The following C12orf60 variants were observed in gnomAD, a reference collection of about 807,000 sequenced individuals.
C12orf60 encodes the protein uncharacterized protein C12orf60.
For missense variants in C12orf60, 284 were observed against 283.2 expected (o/e 1.00, Z -0.02); for synonymous variants, 102 against 94.6 (o/e 1.08, Z -0.45).
chr12:14,806,119 G>A, intron 1 of C12orf60: 2 of 1,614,160 alleles, frequency 1.2e-6, no homozygotes, highest in Non-Finnish European at 1.7e-6. Context: ...GCTGCTTGAA[G>A]CTGTGTTTTT....
At chr12:14,812,172 T>C (rs911228394) in intron 1 of C12orf60, among the ~76,000 whole-genome samples, 12 of 152,100 alleles carry the variant, frequency 7.9e-5, no homozygotes, top group Non-Finnish European at 1.3e-4. Flanking sequence ...TGGCCGGGCG[T>C]GGTGGCTCAC....
intron 1 of C12orf60, among the ~76,000 whole-genome samples, chr12:14,804,220 A>G (rs970180847): frequency 1.3e-5 from 2 of 152,048 alleles, no homozygotes; most frequent in Non-Finnish European, 1.5e-5. Flanking sequence ...GTCCTCTATG[A>G]TGTCACTCTA....
chr12:14,806,783 A>G (rs1950058929), intron 1 of C12orf60: 30 of 1,206,360 alleles, frequency 2.5e-5, no homozygotes, highest in Non-Finnish European at 3.1e-5. Flanking sequence ...CTTTTTCTTC[A>G]TGCATAGCAA....
Position 14,823,500 on chromosome 12 carries a change from A to T in C12orf60, c.565A>T (p.Lys189Ter), listed in dbSNP as rs756064497. 1.2e-6 allele frequency: 2 copies of T among 1,613,058 alleles called. No homozygotes were observed. The highest frequency in any genetic ancestry group is 1.7e-6 in the Non-Finnish European group (2 of 1,179,764). The change falls in exon 2 of 2, where the codon AAA becomes TAA. Residue 189 changes from lysine (K) to a stop codon, truncating the protein, a stop_gained. Transcript: ENST00000330828. LOFTEE classifies it low-confidence loss of function (END_TRUNC). ...SSKTTMIDTL[K>*]KLQDVLKTED... is the part of the protein sequence containing the mutation. ...CAAAACCACTATGATAGACACCTTG[A>T]AAAAACTGCAGGATGTACTAAAAAC...
chr12:14,814,095 C>T (rs1435476968), intron 1 of C12orf60: 1 of 152,142 alleles, frequency 6.6e-6, no homozygotes, highest in African/African-American at 2.4e-5. Flanking sequence ...AGTATTATAT[C>T]AATACTAATA....
chr12:14,804,742 C>T (rs1950021746), intron 1 of C12orf60: 1 of 152,100 alleles, frequency 6.6e-6, no homozygotes, highest in African/African-American at 2.4e-5. Flanking sequence ...TTTTGAAAAA[C>T]AATGCAAGAA....
chr12:14,817,844 C>T (rs940044395), intron 1 of C12orf60, among the ~76,000 whole-genome samples: 62 of 151,178 alleles, frequency 4.1e-4, no homozygotes, highest in Admixed American at 1.7e-3. Flanking sequence ...GGGTATATAC[C>T]CAATAATGGG....
chr12:14,811,082 A>G (rs948947928), intron 1 of C12orf60, among the ~76,000 whole-genome samples: 1 of 152,364 alleles, frequency 6.6e-6, no homozygotes, highest in East Asian at 1.9e-4. Context: ...ATCCAGCTCT[A>G]ATTAACTACA....
intron 1 of C12orf60, among the ~76,000 whole-genome samples, chr12:14,807,944 T>C: frequency 6.6e-6 from 1 of 152,098 alleles, no homozygotes. Flanking sequence ...GGCAGGTGAA[T>C]AACTTGAGGC....
At chr12:14,821,474 C>A (rs749455306) in intron 1 of C12orf60, among the ~76,000 whole-genome samples, 6 of 152,086 alleles carry the variant, frequency 3.9e-5, no homozygotes, top group Non-Finnish European at 7.4e-5. Flanking sequence ...GCTTCCATGG[C>A]CCCATTGTTT....
At chr12:14,807,363 A>G (rs530399225) in intron 1 of C12orf60, among the ~76,000 whole-genome samples, 145 of 152,226 alleles carry the variant, frequency 9.5e-4, no homozygotes, top group Non-Finnish European at 1.6e-3. Context: ...TTAGCTCTTG[A>G]TTACTAGTGC....
Position 14,824,162 on chromosome 12 carries a change from A to G in C12orf60, c.*489A>G, listed in dbSNP as rs1280071119. 2.0e-5 allele frequency: 3 copies of G among 152,518 alleles called. No homozygotes were observed. Among genetic ancestry groups the G allele is most frequent in the African/African-American group, 7.2e-5 (3 of 41,466 alleles). The allele number at this position is 152,518 out of a possible 1,614,324, so 9.4% of individuals were successfully genotyped here. ...GAAGCCATCACTAAATATTTTAAAT[A>G]TGATTCATAAGTAAGTGAGAACAGT... On this transcript the variant is annotated 3_prime_UTR_variant, in exon 2 of 2. Coordinates refer to ENST00000330828, the MANE Select transcript of C12orf60 (RefSeq NM_175874.4).
intron 1 of C12orf60, among the ~76,000 whole-genome samples, chr12:14,814,905 G>T (rs1209429425): frequency 1.3e-5 from 2 of 152,168 alleles, no homozygotes; most frequent in South Asian, 2.1e-4. Flanking sequence ...TCCTGGTTTT[G>T]TGTACTCCAA....
At chr12:14,804,355 G>A (rs1160816612) in intron 1 of C12orf60, among the ~76,000 whole-genome samples, 1 of 152,160 alleles carries the variant, frequency 6.6e-6, no homozygotes, top group East Asian at 1.9e-4. Flanking sequence ...AACTATCTTA[G>A]AGGATACGCT....
At chr12:14,808,201 G>C (rs1182751743) in intron 1 of C12orf60, among the ~76,000 whole-genome samples, 1 of 151,958 alleles carries the variant, frequency 6.6e-6, no homozygotes, top group Non-Finnish European at 1.5e-5. Flanking sequence ...ATCATAGAAT[G>C]AATAAAATAA....
At chr12:14,821,695 T>C (rs1238793962) in intron 1 of C12orf60, among the ~76,000 whole-genome samples, 1 of 152,160 alleles carries the variant, frequency 6.6e-6, no homozygotes, top group Admixed American at 6.5e-5. Flanking sequence ...TTTTTGGTTA[T>C]AATTTTTGCT....
At chr12:14,804,900 C>G (rs1950024725) in intron 1 of C12orf60, 1 of 152,158 alleles carries the variant, frequency 6.6e-6, no homozygotes, top group South Asian at 2.1e-4. Flanking sequence ...CTATAACAAA[C>G]ACAGTCTGGC....
intron 1 of C12orf60, among the ~76,000 whole-genome samples, chr12:14,810,623 A>G (rs1691406052): frequency 6.6e-6 from 1 of 152,222 alleles, no homozygotes; most frequent in Admixed American, 6.5e-5. Flanking sequence ...TGACTTGTGC[A>G]AATTTGTTTT....
At chr12:14,806,781 T>C in intron 1 of C12orf60, 1 of 1,226,420 alleles carries the variant, frequency 8.2e-7, no homozygotes, top group Non-Finnish European at 1.1e-6. Flanking sequence ...ATCTTTTTCT[T>C]CATGCATAGC....
Sources: allele counts gnomAD v4.1 joint callset (sites outside exome capture counted in the v4.1 genomes callset), GRCh38; gene constraint gnomAD v4.1.1; transcripts MANE v1.5; gene names NCBI Gene and HGNC (gene_info 2026-07-23, HGNC 2026-07-21).